The following RAD23B variants were observed in gnomAD, a reference collection of about 807,000 sequenced individuals.
The protein encoded by RAD23B is lysine-specific demethylase RAD23B.
In RAD23B, 5 loss-of-function variants were observed where a neutral mutation model predicts 49.1. The ratio of observed to expected loss-of-function variants is 0.10; its 90% CI spans 0.05 to 0.21. The LOEUF (loss-of-function observed/expected upper bound fraction) is 0.21. Ranked by LOEUF, RAD23B falls within the 10% of genes least tolerant of loss-of-function variation. RAD23B has a pLI of 1.00. For synonymous variants in RAD23B, 184 were observed against 165.4 expected, an observed-to-expected ratio of 1.11 and a Z score of -0.86; for missense variants, 356 against 486.7, an observed-to-expected ratio of 0.73 and a Z score of 2.53.
At chr9:107,324,744 C>T in intron 8 of RAD23B, 90 bp from the exon 9 acceptor site, 1 of 1,308,544 alleles carries the variant, frequency 7.6e-7, no homozygotes, top group South Asian at 1.6e-5. Context: ...AAAGTGTAGC[C>T]TTTTCTCTTA....
At chr9:107,309,706 C>T (rs925595938) in intron 4 of RAD23B, among the ~76,000 whole-genome samples, 1 of 151,884 alleles carries the variant, frequency 6.6e-6, no homozygotes. Context: ...CAGAGGCAGG[C>T]GGATCACAAG....
In RAD23B at chr9:107,325,072, T is replaced by C. The variant is rs1365218655; in HGVS notation, c.1116+68T>C. On this transcript the variant is annotated intron_variant, in intron 9 of 9. Coordinates refer to ENST00000358015, the MANE Select transcript of RAD23B (RefSeq NM_002874.5). ...GCTCATGCCTGTAATTCCAGCACTT[T>C]GGGAGGCCAAGGCAGGTGGATCACC... The C allele has an allele frequency of 4.1e-6, 6 of 1,478,014 alleles. No individual in the cohort carries two copies. The Admixed American group carries it at 1.1e-4, about 28-fold the overall frequency. The allele number at this position is 1,478,014 out of a possible 1,614,324, so 91.6% of individuals were successfully genotyped here.
chr9:107,310,123 TA>T (rs1826863733), intron 4 of RAD23B, among the ~76,000 whole-genome samples: 1 of 151,990 alleles, frequency 6.6e-6, no homozygotes, highest in African/African-American at 2.4e-5. Context: ...GAACTTAATA[TA>T]AAGGTACAGT....
At position 107,286,651 on chromosome 9, in the gene RAD23B, G is replaced by A. The variant is rs562013767; in HGVS notation, c.66+2956G>A. ...TGTGGGGTAGGGAGACCATTGCTAGGAGATTTTCTTCATTATGTGCTTTTT... is the reference window on the plus strand; with the variant it reads ...TGTGGGGTAGGGAGACCATTGCTAGAAGATTTTCTTCATTATGTGCTTTTT... On this transcript the variant is annotated intron_variant, in intron 1 of 9. Transcript: ENST00000358015. Among the ~76,000 whole-genome samples, 7 of 152,248 alleles carry A rather than the reference G, an allele frequency of 4.6e-5. No individual in the cohort carries two copies. In the South Asian group the frequency reaches 1.5e-3, roughly 32 times the overall value.
At position 107,296,241 on chromosome 9, in the gene RAD23B, G is replaced by A. The variant is rs1249402496; in HGVS notation, c.67-3900G>A. Among the ~76,000 whole-genome samples the A allele has an allele frequency of 2.6e-5, 4 of 152,098 alleles. No homozygotes were observed. In the South Asian group the frequency reaches 6.2e-4, roughly 24 times the overall value. ...TATTTTCTTTGAAGTGATACTGTTG[G>A]GTCAAATCCCCGTGCCTTCCCCCAC... is the stretch of plus-strand genomic sequence containing the variant. On this transcript the variant is annotated intron_variant, in intron 1 of 9. Coordinates refer to ENST00000358015, the MANE Select transcript of RAD23B (RefSeq NM_002874.5).
In RAD23B at chr9:107,286,800, T is replaced by TACA. The variant is rs1294783067; in HGVS notation, c.66+3105_66+3106insACA. ...AAAATTCTGAAGTTTAGGCTGGGTG[T>TACA]GGTGGCTCATGCCTGTAATCCCAGC... is the stretch of plus-strand genomic sequence containing the variant. On this transcript the variant is annotated intron_variant, in intron 1 of 9. Coordinates refer to ENST00000358015, the MANE Select transcript of RAD23B (RefSeq NM_002874.5). 2.0e-5 allele frequency among the ~76,000 whole-genome samples: 3 copies of TACA among 152,056 alleles called. No individual in the cohort carries two copies. In the East Asian group the frequency reaches 5.8e-4, roughly 29 times the overall value.
chr9:107,316,232 C>A (rs367613505), intron 5 of RAD23B, among the ~76,000 whole-genome samples: 1 of 152,020 alleles, frequency 6.6e-6, no homozygotes, highest in Admixed American at 6.6e-5. Flanking sequence ...AGGATGGTCT[C>A]GATCTCCTGA....
intron 6 of RAD23B, among the ~76,000 whole-genome samples, chr9:107,320,065 G>A (rs1827078002): frequency 6.6e-6 from 1 of 152,192 alleles, no homozygotes; most frequent in Non-Finnish European, 1.5e-5. Context: ...CAGGTAGCTA[G>A]CTAGTTTCAG....
At position 107,329,778 on chromosome 9, in the gene RAD23B, G is replaced by A. The variant is rs769862103; in HGVS notation, c.*122G>A. ...TGGTATAAGGTAGTAGATTGTTGGG[G>A]GTGGGGAGGGAGGGATCTAGGATAC... On this transcript the variant is annotated 3_prime_UTR_variant, in exon 10 of 10. Coordinates refer to ENST00000358015, the MANE Select transcript of RAD23B (RefSeq NM_002874.5). The A allele has an allele frequency of 2.8e-5, 15 of 544,202 alleles. 2 individuals are homozygous for A. Among genetic ancestry groups the A allele is most frequent in the Admixed American group, 1.4e-4 (5 of 34,620 alleles). 33.7% of individuals were successfully genotyped at this position (544,202 alleles called of 1,614,324 possible). A position where few individuals can be genotyped will look rare whatever the true frequency, so the allele number is the denominator to read the frequency against.
intron 7 of RAD23B, among the ~76,000 whole-genome samples, chr9:107,323,044 A>G (rs1413446475): frequency 6.6e-6 from 1 of 152,218 alleles, no homozygotes. Context: ...GTCTTCCTGA[A>G]TAGGAAATTA....
At chr9:107,324,381 C>A (rs911648443) in intron 8 of RAD23B, among the ~76,000 whole-genome samples, 9 of 152,110 alleles carry the variant, frequency 5.9e-5, no homozygotes, top group African/African-American at 2.2e-4. Context: ...TTCTTAGGAA[C>A]TTTTAAGCAA....
intron 9 of RAD23B, among the ~76,000 whole-genome samples, chr9:107,326,779 A>C (rs1016540029): frequency 6.6e-6 from 1 of 150,810 alleles, no homozygotes; most frequent in African/African-American, 2.4e-5. Flanking sequence ...GACCACAGGC[A>C]CCCGCCACCA....
Position 107,329,672 on chromosome 9 carries a change from ATC to A in RAD23B, c.*19_*20del. The A allele has an allele frequency of 7.8e-6, 12 of 1,535,716 alleles. No individual in the cohort carries two copies. Among genetic ancestry groups the A allele is most frequent in the Non-Finnish European group, 1.1e-5 (12 of 1,109,530 alleles). ...TGAAGATTGAAAGGGACTTTTTTAT[ATC>A]TCACACTTCACACCAGTGCATTACA... On this transcript the variant is annotated 3_prime_UTR_variant, in exon 10 of 10. Transcript: ENST00000358015.
intron 9 of RAD23B, 31 bp downstream of exon 9, chr9:107,325,035 G>T: frequency 6.3e-7 from 1 of 1,589,888 alleles, no homozygotes; most frequent in African/African-American, 1.4e-5. Context: ...AAAAAAATTA[G>T]TTCTTGGCTG....
intron 1 of RAD23B, among the ~76,000 whole-genome samples, chr9:107,286,195 G>A (rs950300312): frequency 1.3e-5 from 2 of 152,164 alleles, no homozygotes; most frequent in Non-Finnish European, 2.9e-5. Flanking sequence ...AGATGAGCAT[G>A]AGCAAAAATG....
intron 1 of RAD23B, 87 bp from the exon 2 acceptor site, chr9:107,300,054 A>T (rs1222862104): frequency 2.0e-6 from 3 of 1,463,928 alleles, no homozygotes; most frequent in Non-Finnish European, 2.7e-6. Flanking sequence ...TATGTATATA[A>T]TTTTTGTCTT....
chr9:107,324,411 G>GA (rs142615210), intron 8 of RAD23B, among the ~76,000 whole-genome samples: 8,979 of 152,154 alleles, frequency 0.059, 382 homozygotes, highest in South Asian at 0.12. Context: ...CTTACTCTTA[G>GA]AAAAAATAGC....
chr9:107,284,430 G>A (rs535447946), intron 1 of RAD23B, among the ~76,000 whole-genome samples: 1 of 151,664 alleles, frequency 6.6e-6, no homozygotes, highest in Non-Finnish European at 1.5e-5. Flanking sequence ...GTAGGAGTTG[G>A]AACGCTGCAG....
At chr9:107,310,410 C>T (rs147766543) in intron 4 of RAD23B, among the ~76,000 whole-genome samples, 365 of 152,224 alleles carry the variant, frequency 2.4e-3, no homozygotes, top group African/African-American at 8.3e-3. Context: ...CCAAACTACA[C>T]ATTGCTTAAT....
Sources: gnomAD v4.1 joint callset for allele counts (sites outside exome capture counted in the v4.1 genomes callset) on GRCh38, gnomAD v4.1.1 for gene constraint, MANE v1.5 for transcripts, NCBI Gene and HGNC (gene_info 2026-07-23, HGNC 2026-07-21) for gene names.